The following ZNF670 variants were observed in gnomAD, a reference collection of about 807,000 sequenced individuals.
The protein encoded by ZNF670 is zinc finger protein 670.
ZNF670 carries 7 observed loss-of-function variants against 10.9 expected under a neutral mutation model. That is an observed-to-expected ratio of 0.64 (90% CI 0.36 to 1.20). The LOEUF (loss-of-function observed/expected upper bound fraction) is 1.20, where lower values mean the gene tolerates loss of function less well. Ranked by LOEUF, ZNF670 falls within the 50% of genes most tolerant of loss-of-function variation. The pLI is 0.02. For synonymous variants in ZNF670, 136 were observed against 152.7 expected (o/e 0.89, Z 0.81); for missense variants, 446 against 458.6 (o/e 0.97, Z 0.25).
chr1:247,059,274 T>C (rs1670797851), intron 1 of ZNF670, among the ~76,000 whole-genome samples: 1 of 151,146 alleles, frequency 6.6e-6, no homozygotes, highest in Non-Finnish European at 1.5e-5. Flanking sequence ...ACCCTGTCTC[T>C]ACTAAAAATA....
At position 247,037,248 on chromosome 1, in the gene ZNF670, T is replaced by C. The variant is rs1670179331; in HGVS notation, c.*201A>G. On this transcript the variant is annotated 3_prime_UTR_variant, in exon 4 of 4. Transcript: ENST00000366503. The stretch of plus-strand genomic sequence containing the variant: ...GTTCTAACACATTTTTCGTATTTTA[T>C]GACGTTCTTTCCCAGGACGGGTCCT... 1 of 513,838 alleles carries C rather than the reference T, an allele frequency of 1.9e-6. No individual in the cohort carries two copies. Among genetic ancestry groups the C allele is most frequent in the Non-Finnish European group, 3.2e-6 (1 of 310,538 alleles). The allele number at this position is 513,838 out of a possible 1,614,324, so 31.8% of individuals were successfully genotyped here.
intron 1 of ZNF670, among the ~76,000 whole-genome samples, chr1:247,075,343 T>G (rs754365333): frequency 5.3e-5 from 8 of 152,206 alleles, no homozygotes; most frequent in Non-Finnish European, 1.0e-4. Context: ...TGATAAATAT[T>G]TATAATTCAC....
intron 1 of ZNF670, among the ~76,000 whole-genome samples, chr1:247,041,276 T>C (rs1294145097): frequency 3.3e-5 from 5 of 152,092 alleles, no homozygotes; most frequent in Non-Finnish European, 5.9e-5. Flanking sequence ...TTCACATATA[T>C]TAATATTCAG....
chr1:247,038,694 A>T, intron 3 of ZNF670, 116 bp downstream of exon 3: 1 of 899,316 alleles, frequency 1.1e-6, no homozygotes, highest in Non-Finnish European at 1.7e-6. Context: ...TTTTGCTAAG[A>T]CTTTTCTGGA....
chr1:247,038,855 TC>T lies in ZNF670; in HGVS notation c.145del (p.Asp49ThrfsTer15), dbSNP rs1374464426. ...NLASVGNKSE[D>X]QNIQDDFKNP... ...TTTGAAGTCATCTTGGATATTCTGG[TC>T]TTCTGATTTGTTTCCTAAAAGGTAC... is the stretch of plus-strand genomic sequence containing the variant. On this transcript the variant is annotated frameshift_variant, in exon 3 of 4. Coordinates refer to ENST00000366503, the MANE Select transcript of ZNF670 (RefSeq NM_033213.5). LOFTEE classifies it low-confidence loss of function (END_TRUNC). 4.3e-6 allele frequency: 7 copies of T among 1,612,468 alleles called. No individual in the cohort carries two copies. The highest frequency in any genetic ancestry group is 5.1e-6 in the Non-Finnish European group (6 of 1,179,220).
In ZNF670 at chr1:247,078,723, C is replaced by G; in HGVS notation, c.-127G>C. ...ATAAGGGGAAGGAGCAGCGGAGACG[C>G]ACCGAGCTCGCCACATTCGCGCTGC... is the stretch of plus-strand genomic sequence containing the variant. On this transcript the variant is annotated 5_prime_UTR_variant, in exon 1 of 4. Coordinates refer to ENST00000366503, the MANE Select transcript of ZNF670 (RefSeq NM_033213.5). The G allele has an allele frequency of 9.6e-7, 1 of 1,045,710 alleles. No individual in the cohort carries two copies. The highest frequency in any genetic ancestry group is 1.4e-6 in the Non-Finnish European group (1 of 708,786). 64.8% of individuals were successfully genotyped at this position (1,045,710 alleles called of 1,614,324 possible).
chr1:247,042,175 G>A (rs575543846), intron 1 of ZNF670, among the ~76,000 whole-genome samples: 9 of 152,200 alleles, frequency 5.9e-5, no homozygotes, highest in East Asian at 1.9e-4. Flanking sequence ...GCCTTATAAC[G>A]TGATCTGAGT....
intron 1 of ZNF670, chr1:247,043,198 G>A: frequency 1.4e-6 from 1 of 722,478 alleles, no homozygotes; most frequent in Non-Finnish European, 2.6e-6. Context: ...CTCATGACAA[G>A]GGCCATACGC....
intron 1 of ZNF670, among the ~76,000 whole-genome samples, chr1:247,069,021 A>G (rs2103070719): frequency 6.6e-6 from 1 of 150,776 alleles, no homozygotes; most frequent in Admixed American, 6.6e-5. Flanking sequence ...GATGGTTACC[A>G]GAGGTGGGGA....
At chr1:247,038,927 A>C in intron 2 of ZNF670, 57 bp from the exon 3 acceptor site, 1 of 1,460,016 alleles carries the variant, frequency 6.8e-7, no homozygotes, top group South Asian at 1.2e-5. Flanking sequence ...AAATTGCTAG[A>C]TTCAAGGTTC....
chr1:247,078,674 CG>C lies in ZNF670; in HGVS notation c.-79del. ...GGTCCCAGAGCAACAGAAGCTGCCG[CG>C]GGACCACTTGGACCTCCCAGGGATA... is the stretch of plus-strand genomic sequence containing the variant. On this transcript the variant is annotated 5_prime_UTR_variant, in exon 1 of 4. An upstream open reading frame in the 5' UTR loses its in-frame stop. Coordinates refer to ENST00000366503, the MANE Select transcript of ZNF670 (RefSeq NM_033213.5). 6.5e-7 allele frequency: 1 copy of C among 1,547,856 alleles called. No individual in the cohort carries two copies. The highest frequency in any genetic ancestry group is 8.9e-7 in the Non-Finnish European group (1 of 1,124,996).
At chr1:247,078,189 A>G (rs1417202352) in intron 1 of ZNF670, among the ~76,000 whole-genome samples, 1 of 152,176 alleles carries the variant, frequency 6.6e-6, no homozygotes, top group Non-Finnish European at 1.5e-5. Context: ...CTGCTCAAAT[A>G]AACTCCTTAA....
intron 1 of ZNF670, chr1:247,043,780 C>A (rs913115200): frequency 1.6e-5 from 6 of 370,538 alleles, no homozygotes; most frequent in African/African-American, 1.3e-4. Flanking sequence ...TACTGATTTG[C>A]AGAAACTGGA....
At chr1:247,056,270 A>C (rs1479027677) in intron 1 of ZNF670, among the ~76,000 whole-genome samples, 1 of 152,218 alleles carries the variant, frequency 6.6e-6, no homozygotes, top group Non-Finnish European at 1.5e-5. Context: ...GATAGACCAT[A>C]TGGTAGGTCA....
At chr1:247,056,714 G>C (rs550878319) in intron 1 of ZNF670, among the ~76,000 whole-genome samples, 1 of 152,118 alleles carries the variant, frequency 6.6e-6, no homozygotes, top group Non-Finnish European at 1.5e-5. Context: ...AGTGAACTCA[G>C]TTTTGACAAA....
Position 247,037,481 on chromosome 1 carries a change from G to T in ZNF670, c.1138C>A (p.Leu380Ile). The change falls in exon 4 of 4, where the codon CTT (leucine) becomes ATT (isoleucine). Residue 380 changes from leucine to isoleucine, a missense_variant. By Grantham distance (5) the Leu-to-Ile change is conservative (BLOSUM62 2). Coordinates refer to ENST00000366503, the MANE Select transcript of ZNF670 (RefSeq NM_033213.5). Reference protein sequence around the residue: ...CGKAFSCSSSLRKHERAYMW With the variant: ...CGKAFSCSSSIRKHERAYMW The stretch of plus-strand genomic sequence containing the variant: ...ATATAAGCTCTTTCATGCTTTCGAA[G>T]GGAACTGGAACAACTGAAGGCTTTA... The T allele has an allele frequency of 6.2e-7, 1 of 1,611,714 alleles. No individual in the cohort carries two copies. The highest frequency in any genetic ancestry group is 8.5e-7 in the Non-Finnish European group (1 of 1,179,296).
intron 1 of ZNF670, among the ~76,000 whole-genome samples, chr1:247,044,465 A>G (rs1185491713): frequency 6.6e-6 from 1 of 152,212 alleles, no homozygotes; most frequent in African/African-American, 2.4e-5. Context: ...ATACACACCC[A>G]AAGGAATATA....
chr1:247,043,153 G>A, intron 1 of ZNF670: 2 of 856,986 alleles, frequency 2.3e-6, no homozygotes, highest in Non-Finnish European at 3.9e-6. Flanking sequence ...AGGAGATGCT[G>A]TAGTTCTGCA....
At chr1:247,039,929 G>C (rs1670265537) in intron 1 of ZNF670, among the ~76,000 whole-genome samples, 1 of 152,204 alleles carries the variant, frequency 6.6e-6, no homozygotes, top group Non-Finnish European at 1.5e-5. Context: ...AGAAATACCT[G>C]CTCACAAAGT....
Sources: allele counts gnomAD v4.1 joint callset (sites outside exome capture counted in the v4.1 genomes callset), GRCh38; gene constraint gnomAD v4.1.1; transcripts MANE v1.5; gene names NCBI Gene and HGNC (gene_info 2026-07-23, HGNC 2026-07-21).